BLTP2: variants seen among roughly 807,000 people sequenced by gnomAD.
BLTP2 encodes bridge-like lipid transfer protein family member 2.
At chr17:28,624,033 A>T in the BLTP2 span, 1 of 1,471,666 alleles carries the variant, frequency 6.8e-7, no homozygotes, top group Non-Finnish European at 9.4e-7. Flanking sequence ...CATTGTATCA[A>T]CCACTGCAGC....
At chr17:28,628,708 G>T in the BLTP2 span, 1 of 664,020 alleles carries the variant, frequency 1.5e-6, no homozygotes, top group Non-Finnish European at 2.5e-6. Flanking sequence ...GCCGAAGTGG[G>T]CAAATCACGA....
the BLTP2 span, chr17:28,619,773 A>AGACTAGGGAACCAGGATAGAAACTG: frequency 1.9e-6 from 3 of 1,614,084 alleles, no homozygotes. Flanking sequence ...CATCCTGCAA[A>AGACTAGGGAACCAGGATAGAAACTG]GACTAGGGAA....
the BLTP2 span, chr17:28,615,977 C>G: frequency 2.9e-6 from 3 of 1,019,344 alleles, no homozygotes; most frequent in South Asian, 4.3e-5. Flanking sequence ...GAGGGAACAG[C>G]AGATTTATCA....
At chr17:28,633,187 C>T in the BLTP2 span, 1 of 1,590,658 alleles carries the variant, frequency 6.3e-7, no homozygotes, top group Non-Finnish European at 8.6e-7. Context: ...AACCCCAGCC[C>T]TCAGTGCCCT....
At chr17:28,642,523 C>T in the BLTP2 span, 24 of 590,612 alleles carry the variant, frequency 4.1e-5, no homozygotes, top group Middle Eastern at 4.6e-4. Context: ...CGGTGGCGGC[C>T]GCCTGTAGTC....
chr17:28,640,784 A>C, the BLTP2 span: 4 of 1,152,332 alleles, frequency 3.5e-6, no homozygotes, highest in Admixed American at 2.0e-5. Context: ...CACATAAAGT[A>C]GGCTAAGCAA....
chr17:28,634,808 GCAA>G, the BLTP2 span: 1 of 1,613,822 alleles, frequency 6.2e-7, no homozygotes, highest in African/African-American at 1.3e-5. Context: ...TTGCGGGCAG[GCAA>G]CAACTCCCCA....
chr17:28,632,261 T>C, the BLTP2 span: 1 of 1,577,428 alleles, frequency 6.3e-7, no homozygotes. Context: ...AAGACAGACA[T>C]TTCCTAGTTA....
the BLTP2 span, among the ~76,000 whole-genome samples, chr17:28,622,715 C>G: frequency 6.6e-6 from 1 of 152,220 alleles, no homozygotes; most frequent in Non-Finnish European, 1.5e-5. Context: ...AAATTAACAA[C>G]CACGCAATGC....
the BLTP2 span, chr17:28,638,407 G>A: frequency 1.9e-6 from 3 of 1,613,812 alleles, no homozygotes; most frequent in East Asian, 4.5e-5. Flanking sequence ...GGCCTGAGGT[G>A]CTGGTAATCT....
chr17:28,643,309 T>C, the BLTP2 span: 7 of 1,614,064 alleles, frequency 4.3e-6, no homozygotes, highest in Non-Finnish European at 5.9e-6. Context: ...TGCCACATAG[T>C]GTCTGCCCAG....
chr17:28,623,371 G>A, the BLTP2 span, among the ~76,000 whole-genome samples: 3 of 152,168 alleles, frequency 2.0e-5, no homozygotes, highest in Admixed American at 2.0e-4. Context: ...CTGCCTTGCT[G>A]AAATAACCAA....
chr17:28,630,143 C>G, the BLTP2 span, among the ~76,000 whole-genome samples: 1 of 152,160 alleles, frequency 6.6e-6, no homozygotes, highest in South Asian at 2.1e-4. Flanking sequence ...GGATTACAGG[C>G]ATGAGCCATC....
chr17:28,631,337 G>T, the BLTP2 span: 3 of 741,154 alleles, frequency 4.0e-6, no homozygotes, highest in Non-Finnish European at 6.7e-6. Context: ...CCGTGATCTT[G>T]GACTTCCCAG....
the BLTP2 span, chr17:28,643,314 G>A: frequency 6.2e-7 from 1 of 1,613,836 alleles, no homozygotes; most frequent in Non-Finnish European, 8.5e-7. Context: ...CATAGTGTCT[G>A]CCCAGAAGAG....
chr17:28,615,829 AAG>A, the BLTP2 span: 12 of 1,612,368 alleles, frequency 7.4e-6, no homozygotes, highest in African/African-American at 1.1e-4. Flanking sequence ...GAAAGAAAAA[AAG>A]AGGGGTGGGG....
chr17:28,639,849 G>C, the BLTP2 span: 1 of 1,606,218 alleles, frequency 6.2e-7, no homozygotes, highest in Non-Finnish European at 8.5e-7. Context: ...TGAGCAAAGA[G>C]AGTATCTAGT....
the BLTP2 span, chr17:28,638,559 G>A: frequency 6.2e-7 from 1 of 1,613,096 alleles, no homozygotes. Context: ...GGCAAAAGGT[G>A]GTGTATCTCC....
the BLTP2 span, chr17:28,624,487 CTAGG>C: frequency 6.3e-6 from 7 of 1,111,046 alleles, no homozygotes; most frequent in Admixed American, 1.7e-4. Flanking sequence ...ATTTATCTGG[CTAGG>C]TAAGAGCTTA....
Sources: gnomAD v4.1 joint callset for allele counts (sites outside exome capture counted in the v4.1 genomes callset) on GRCh38, gnomAD v4.1.1 for gene constraint, MANE v1.5 for transcripts, NCBI Gene and HGNC (gene_info 2026-07-23, HGNC 2026-07-21) for gene names.